The following RAP1GAP2 variants were observed in gnomAD, a reference collection of about 807,000 sequenced individuals.
RAP1GAP2 encodes RAP1 GTPase activating protein 2, also known as rap1 GTPase-activating protein 2.
Under a neutral mutation model 95.0 loss-of-function variants are expected in RAP1GAP2, and 27 were observed. That is an observed-to-expected ratio of 0.28 (90% CI 0.21 to 0.39). The LOEUF (loss-of-function observed/expected upper bound fraction) is 0.39. Among genes scored for constraint, RAP1GAP2 ranks in the 10% least tolerant of loss-of-function variants. The pLI is 1.00. For synonymous variants in RAP1GAP2, 373 were observed against 380.9 expected (o/e 0.98, Z 0.24); for missense variants, 771 against 970.0 (o/e 0.79, Z 2.72).
chr17:2,885,028 C>CTTTTTTTTT (rs891984333), intron 2 of RAP1GAP2, among the ~76,000 whole-genome samples: 3 of 112,506 alleles, frequency 2.7e-5, no homozygotes, highest in African/African-American at 3.6e-5. Flanking sequence ...TTATTTCTTT[C>CTTTTTTTTT]TTTTTTTTTT....
intron 21 of RAP1GAP2, 23 bp downstream of exon 21, chr17:3,026,487 T>TGGGCAGGCACTCTGGGGCGTC: frequency 6.6e-7 from 1 of 1,519,048 alleles, no homozygotes; most frequent in Non-Finnish European, 8.9e-7. Context: ...CGTCCACCCT[T>TGGGCAGGCACTCTGGGGCGTC]GGGCAGGCAC....
chr17:2,914,648 G>T (rs978195348), intron 3 of RAP1GAP2, among the ~76,000 whole-genome samples: 1 of 151,378 alleles, frequency 6.6e-6, no homozygotes, highest in South Asian at 2.1e-4. Flanking sequence ...CCGCCACCAC[G>T]CCCGGCAAAT....
At chr17:2,910,146 A>T (rs73312074) in intron 3 of RAP1GAP2, among the ~76,000 whole-genome samples, 5,860 of 152,266 alleles carry the variant, frequency 0.038, 352 homozygotes, top group African/African-American at 0.13. Flanking sequence ...TTCTTTCCTT[A>T]ACTTGAGTTC....
chr17:2,974,434 T>A (rs2045017380), intron 8 of RAP1GAP2, among the ~76,000 whole-genome samples: 1 of 151,408 alleles, frequency 6.6e-6, no homozygotes, highest in Non-Finnish European at 1.5e-5. Context: ...CTTTCAGACA[T>A]AAAAAAATGG....
intron 2 of RAP1GAP2, among the ~76,000 whole-genome samples, chr17:2,884,038 A>T (rs2073397164): frequency 6.6e-6 from 1 of 152,186 alleles, no homozygotes; most frequent in African/African-American, 2.4e-5. Flanking sequence ...CAGGGAGAGC[A>T]GGTGTGTCCT....
intron 1 of RAP1GAP2, among the ~76,000 whole-genome samples, chr17:2,762,094 T>A (rs2071264020): frequency 6.9e-6 from 1 of 145,154 alleles, no homozygotes; most frequent in African/African-American, 2.5e-5. Context: ...GTTCACGCCA[T>A]TCTCTATCTC....
At position 3,037,668 on chromosome 17, in the gene RAP1GAP2, G is replaced by C. The variant is rs1035591521; in HGVS notation, c.*4307G>C. Reference sequence around the variant, plus strand: ...TAATGTACAAAACAAATTCTAAAAGGTTGACAAATGTATATTTTGTTGCTT... The same window carrying C: ...TAATGTACAAAACAAATTCTAAAAGCTTGACAAATGTATATTTTGTTGCTT... On this transcript the variant is annotated 3_prime_UTR_variant, in exon 25 of 25. Transcript: ENST00000254695. The C allele has an allele frequency of 3.3e-5, 5 of 152,314 alleles. No homozygotes were observed. Among genetic ancestry groups the C allele is most frequent in the Non-Finnish European group, 7.4e-5 (5 of 67,996 alleles). 9.4% of individuals were successfully genotyped at this position (152,314 alleles called of 1,614,324 possible). A position where few individuals can be genotyped will look rare whatever the true frequency, so the allele number is the denominator to read the frequency against.
chr17:2,756,960 C>G (rs1486142871), intron 1 of RAP1GAP2, among the ~76,000 whole-genome samples: 1 of 152,190 alleles, frequency 6.6e-6, no homozygotes, highest in Non-Finnish European at 1.5e-5. Flanking sequence ...GATGGTTCCA[C>G]CCAGCGTGGC....
chr17:2,984,206 G>T (rs539356952), intron 10 of RAP1GAP2, among the ~76,000 whole-genome samples: 3 of 152,142 alleles, frequency 2.0e-5, no homozygotes, highest in South Asian at 4.2e-4. Context: ...AAAATTAGCC[G>T]GTGTGATGGT....
chr17:2,936,380 G>C (rs1884517265), intron 3 of RAP1GAP2, among the ~76,000 whole-genome samples: 1 of 150,788 alleles, frequency 6.6e-6, no homozygotes, highest in Admixed American at 6.6e-5. Context: ...ACTGGTCTCT[G>C]CTCATGACCC....
upstream of RAP1GAP2, chr17:2,796,308 C>G (rs1300863121): frequency 6.9e-6 from 4 of 575,682 alleles, no homozygotes; most frequent in African/African-American, 1.9e-5. This position sits in a 1 kb window ranked among gnomAD's most constrained non-coding sequence, Gnocchi z 4.7. Flanking sequence ...CCACAACCTC[C>G]TCGGCCTATC....
intron 2 of RAP1GAP2, among the ~76,000 whole-genome samples, chr17:2,894,589 G>A (rs1460241298): frequency 6.6e-6 from 1 of 152,050 alleles, no homozygotes; most frequent in East Asian, 1.9e-4. Context: ...TGTCCCAGGG[G>A]CCCCTGGCTT....
intron 4 of RAP1GAP2, among the ~76,000 whole-genome samples, chr17:2,960,135 A>AAC (rs1297690379): frequency 1.3e-5 from 2 of 151,358 alleles, no homozygotes; most frequent in East Asian, 1.9e-4. Flanking sequence ...AAAAAAAAAA[A>AAC]AAAAAACAAC....
rs539971571 is a variant in RAP1GAP2, at chr17:2,862,819, G to A, written c.81-42465G>A. ...TCGAGACCAGCCTGGCCAACGTGGC[G>A]AAACCCCGTCTCTACTAAAAATAAA... On this transcript the variant is annotated intron_variant, in intron 2 of 24. Coordinates refer to ENST00000254695, the MANE Select transcript of RAP1GAP2 (RefSeq NM_015085.5). 2.0e-5 allele frequency among the ~76,000 whole-genome samples: 3 copies of A among 152,068 alleles called. No homozygotes were observed. The East Asian group carries it at 5.8e-4, about 29-fold the overall frequency.
intron 2 of RAP1GAP2, among the ~76,000 whole-genome samples, chr17:2,893,536 AATGAATCATAAG>A (rs1420221294): frequency 1.3e-5 from 2 of 152,254 alleles, no homozygotes; most frequent in Non-Finnish European, 2.9e-5. Context: ...ATCCACACTG[AATGAATCATAAG>A]ATGAATGCGC....
chr17:3,019,706 G>A (rs1415424461), intron 18 of RAP1GAP2, among the ~76,000 whole-genome samples: 1 of 152,054 alleles, frequency 6.6e-6, no homozygotes, highest in Admixed American at 6.6e-5. Context: ...GGTGCATGGC[G>A]TGAGCAGAGC....
chr17:2,853,004 C>T (rs2071937209), intron 2 of RAP1GAP2, among the ~76,000 whole-genome samples: 1 of 151,912 alleles, frequency 6.6e-6, no homozygotes, highest in Non-Finnish European at 1.5e-5. Flanking sequence ...GCGGGGAGGG[C>T]GGAGTGGGGG....
intron 3 of RAP1GAP2, among the ~76,000 whole-genome samples, chr17:2,939,192 G>T (rs2043400259): frequency 6.6e-6 from 1 of 152,076 alleles, no homozygotes. Flanking sequence ...CCGGGTTCAA[G>T]TGATCCTCTG....
intron 2 of RAP1GAP2, among the ~76,000 whole-genome samples, chr17:2,889,679 G>A (rs1257913556): frequency 8.0e-6 from 1 of 124,856 alleles, no homozygotes; most frequent in African/African-American, 2.9e-5. Flanking sequence ...ATCTGCGCTG[G>A]ATTTTTTTTT....
Sources: allele counts gnomAD v4.1 joint callset (sites outside exome capture counted in the v4.1 genomes callset), GRCh38; gene constraint gnomAD v4.1.1; non-coding constraint Gnocchi (gnomAD v3.1); transcripts MANE v1.5; gene names NCBI Gene and HGNC (gene_info 2026-07-23, HGNC 2026-07-21).